KALRN: variants seen among roughly 807,000 people sequenced by gnomAD.
KALRN encodes kalirin.
In KALRN, 70 loss-of-function variants were observed where a neutral mutation model predicts 353.7. The ratio of observed to expected loss-of-function variants is 0.20; its 90% CI spans 0.16 to 0.24. The LOEUF (loss-of-function observed/expected upper bound fraction) is 0.24. Among genes scored for constraint, KALRN ranks in the 10% least tolerant of loss-of-function variants. The probability of loss-of-function intolerance (pLI) is 1.00; values close to 1 mark genes in which losing one functional copy is unlikely to be tolerated. For synonymous variants in KALRN, 1,391 were observed against 1,434.8 expected (o/e 0.97, Z 0.69); for missense variants, 2,791 against 3,756.7 (o/e 0.74, Z 6.72).
intron 34 of KALRN, among the ~76,000 whole-genome samples, chr3:124,570,715 AT>A (rs2073417376): frequency 6.6e-6 from 1 of 152,164 alleles, no homozygotes; most frequent in Admixed American, 6.5e-5. Context: ...GCTCCTTGAC[AT>A]TTTTCAGAAT....
chr3:124,587,079 CA>C (rs945594086), intron 34 of KALRN, among the ~76,000 whole-genome samples: 4 of 152,202 alleles, frequency 2.6e-5, no homozygotes, highest in Non-Finnish European at 4.4e-5. Context: ...TTGCAACACC[CA>C]AAAGGGCTGA....
intron 1 of KALRN, among the ~76,000 whole-genome samples, chr3:124,084,423 C>G (rs2060700917): frequency 6.6e-6 from 1 of 152,204 alleles, no homozygotes; most frequent in South Asian, 2.1e-4. Flanking sequence ...CTGCTACAGT[C>G]AGATCCAGCA....
At chr3:124,079,693 T>C (rs2060442144) in intron 1 of KALRN, among the ~76,000 whole-genome samples, 1 of 152,240 alleles carries the variant, frequency 6.6e-6, no homozygotes, top group Non-Finnish European at 1.5e-5. Context: ...CGTCTTTTTA[T>C]ATAAGTATTT....
In KALRN at chr3:124,298,812, A is replaced by C; in HGVS notation, c.991A>C (p.Asn331His). 1.2e-6 allele frequency: 2 copies of C among 1,614,166 alleles called. No individual in the cohort carries two copies. Among genetic ancestry groups the C allele is most frequent in the Non-Finnish European group, 1.7e-6 (2 of 1,180,012 alleles). Residue 331 changes from asparagine to histidine, a missense_variant, in exon 6 of 60, where the codon AAC (asparagine) becomes CAC (histidine). Physicochemically the swap from Asn to His is moderately conservative, Grantham distance 68 (BLOSUM62 1). Coordinates refer to ENST00000682506, the MANE Select transcript of KALRN (RefSeq NM_001388419.1). ...AEKMFDWISH[N>H]KELFLQSHTE... The stretch of plus-strand genomic sequence containing the variant: ...CTAGATGTTTGACTGGATAAGCCAC[A>C]ACAAGGAGTTATTCCTCCAGAGCCA...
intron 51 of KALRN, among the ~76,000 whole-genome samples, chr3:124,690,461 T>C (rs1183065938): frequency 6.6e-6 from 1 of 152,144 alleles, no homozygotes; most frequent in African/African-American, 2.4e-5. Flanking sequence ...CTCTTGGTCC[T>C]TGCTGGAGGA....
intron 1 of KALRN, among the ~76,000 whole-genome samples, chr3:124,159,046 T>G (rs368394357): frequency 6.6e-6 from 1 of 152,322 alleles, no homozygotes; most frequent in African/African-American, 2.4e-5. Flanking sequence ...TGATAAAGCC[T>G]GCCCTCTGCA....
chr3:124,471,530 C>T (rs1303663938), intron 25 of KALRN, among the ~76,000 whole-genome samples: 1 of 151,952 alleles, frequency 6.6e-6, no homozygotes, highest in Non-Finnish European at 1.5e-5. Flanking sequence ...GATCTGCCCA[C>T]CTCAGCAAAG....
intron 5 of KALRN, among the ~76,000 whole-genome samples, chr3:124,290,139 A>G (rs914025874): frequency 6.6e-6 from 1 of 152,206 alleles, no homozygotes. Context: ...TCAAGGAAGA[A>G]AATTCAAGTA....
chr3:124,541,566 A>T (rs527521226), intron 33 of KALRN, among the ~76,000 whole-genome samples: 1 of 152,052 alleles, frequency 6.6e-6, no homozygotes, highest in African/African-American at 2.4e-5. Flanking sequence ...AAATTCATTT[A>T]GTTGCTTGGA....
At chr3:124,392,967 G>A (rs1316882133) in intron 11 of KALRN, among the ~76,000 whole-genome samples, 2 of 114,856 alleles carry the variant, frequency 1.7e-5, no homozygotes, top group Non-Finnish European at 3.4e-5. Flanking sequence ...TCCCCAGAGT[G>A]TGATATTCCC....
intron 1 of KALRN, among the ~76,000 whole-genome samples, chr3:124,042,839 C>T (rs1301193237): frequency 2.0e-5 from 3 of 151,848 alleles, no homozygotes; most frequent in Non-Finnish European, 4.4e-5. Flanking sequence ...TGGAAGGAGG[C>T]CAGATCTGGA....
rs369883596 is a variant in KALRN at position 124,522,925 on chromosome 3, C to G, written c.4935+26512C>G. Among the ~76,000 whole-genome samples, 436 of 152,182 alleles carry G rather than the reference C, an allele frequency of 2.9e-3. 2 individuals carry two copies. The highest frequency in any genetic ancestry group is 9.9e-3 in the African/African-American group (410 of 41,498). On this transcript the variant is annotated intron_variant, in intron 33 of 59. Coordinates refer to ENST00000682506, the MANE Select transcript of KALRN (RefSeq NM_001388419.1). ...GTTTCAGAAGCCACAGCCAAAGACC[C>G]CAAGCATGGAGGAATTAAACAAGGG...
At chr3:124,628,486 T>TCCCTC (rs1244332573) in intron 34 of KALRN, among the ~76,000 whole-genome samples, 1 of 95,108 alleles carries the variant, frequency 1.1e-5, no homozygotes, top group Non-Finnish European at 2.3e-5. Flanking sequence ...TTCCTTCCCT[T>TCCCTC]CCCTCCCTTC....
At chr3:124,116,056 T>G (rs2063427694) in intron 1 of KALRN, among the ~76,000 whole-genome samples, 1 of 152,218 alleles carries the variant, frequency 6.6e-6, no homozygotes, top group African/African-American at 2.4e-5. Flanking sequence ...CAGTGATGTT[T>G]TAGAATATCC....
At chr3:124,259,447 T>C (rs2072531540) in intron 3 of KALRN, among the ~76,000 whole-genome samples, 1 of 152,222 alleles carries the variant, frequency 6.6e-6, no homozygotes, top group Non-Finnish European at 1.5e-5. Flanking sequence ...AGCTTAGACT[T>C]ACACAGAACA....
At chr3:124,330,041 G>T (rs567002073) in intron 8 of KALRN, 49 bp downstream of exon 8, 31 of 1,599,604 alleles carry the variant, frequency 1.9e-5, no homozygotes, top group Non-Finnish European at 2.6e-5. Flanking sequence ...TCTGCATGTG[G>T]GTGGGTGATG....
chr3:124,356,945 C>G (rs1183646059), intron 10 of KALRN, among the ~76,000 whole-genome samples: 1 of 152,144 alleles, frequency 6.6e-6, no homozygotes, highest in Non-Finnish European at 1.5e-5. Context: ...ATTTATAAAC[C>G]CATTGGCTCT....
chr3:124,288,030 C>T (rs867657328), intron 5 of KALRN, among the ~76,000 whole-genome samples: 11 of 151,558 alleles, frequency 7.3e-5, no homozygotes, highest in East Asian at 3.9e-4. Context: ...CCTGCCACCA[C>T]GCCTGGCTAA....
chr3:124,575,430 A>G (rs575434727), intron 34 of KALRN, among the ~76,000 whole-genome samples: 153 of 152,332 alleles, frequency 1.0e-3, no homozygotes, highest in African/African-American at 3.6e-3. Flanking sequence ...CTGTGACTGC[A>G]AAGAGGCTCC....
Sources: allele counts gnomAD v4.1 joint callset (sites outside exome capture counted in the v4.1 genomes callset), GRCh38; gene constraint gnomAD v4.1.1; transcripts MANE v1.5; gene names NCBI Gene and HGNC (gene_info 2026-07-23, HGNC 2026-07-21).